Variants in IFT88 observed in about 807,000 individuals in gnomAD.
IFT88 encodes the protein intraflagellar transport protein 88 homolog.
IFT88 carries 74 observed loss-of-function variants against 119.5 expected under a neutral mutation model. That is an observed-to-expected ratio of 0.62 (90% CI 0.51 to 0.75). The LOEUF is 0.75. Ranked by LOEUF, IFT88 falls within the 30% of genes least tolerant of loss-of-function variation. IFT88 has a pLI of 0.00. For synonymous variants in IFT88, 279 were observed against 316.7 expected (o/e 0.88, Z 1.26); for missense variants, 961 against 977.7 (o/e 0.98, Z 0.23).
intron 24 of IFT88, 114 bp downstream of exon 24, chr13:20,671,153 A>G (rs1488322966): frequency 4.6e-6 from 3 of 651,234 alleles, no homozygotes; most frequent in East Asian, 3.0e-5. Context: ...GGTTTGTTCT[A>G]TACACAGTGA....
At chr13:20,651,118 A>G (rs866248812) in intron 20 of IFT88, among the ~76,000 whole-genome samples, 10 of 152,190 alleles carry the variant, frequency 6.6e-5, no homozygotes, top group Middle Eastern at 3.4e-3. Flanking sequence ...GAGTTCTTCA[A>G]CTTTTTTCTT....
intron 7 of IFT88, among the ~76,000 whole-genome samples, chr13:20,592,822 T>A (rs1170455365): frequency 6.6e-6 from 1 of 152,124 alleles, no homozygotes; most frequent in Admixed American, 6.6e-5. Flanking sequence ...TTATGTGAAT[T>A]CCATAAGAAT....
chr13:20,608,274 T>C, intron 13 of IFT88: 1 of 189,808 alleles, frequency 5.3e-6, no homozygotes, highest in Non-Finnish European at 1.1e-5. Context: ...GTGTAACTCT[T>C]CATCAGAAGC....
intron 14 of IFT88, among the ~76,000 whole-genome samples, chr13:20,620,998 A>T (rs1293100339): frequency 6.6e-6 from 1 of 152,182 alleles, no homozygotes; most frequent in Non-Finnish European, 1.5e-5. Flanking sequence ...TGGACTTCTC[A>T]GTCTTCGTAA....
intron 22 of IFT88, among the ~76,000 whole-genome samples, chr13:20,661,972 A>G (rs1349682424): frequency 6.6e-6 from 1 of 152,120 alleles, no homozygotes; most frequent in East Asian, 1.9e-4. Flanking sequence ...TCTGGATGTG[A>G]TACAGCTAGA....
intron 14 of IFT88, among the ~76,000 whole-genome samples, chr13:20,623,963 A>G (rs1466946270): frequency 6.6e-6 from 1 of 152,148 alleles, no homozygotes. Flanking sequence ...AATGGAAGTG[A>G]ATTTTGTGTG....
chr13:20,600,396 G>C (rs2042396962), intron 11 of IFT88, among the ~76,000 whole-genome samples: 1 of 151,956 alleles, frequency 6.6e-6, no homozygotes, highest in Non-Finnish European at 1.5e-5. Flanking sequence ...ATCAAGAAAG[G>C]CTTTATGAAG....
chr13:20,690,070 A>G (rs1310129634), intron 24 of IFT88, among the ~76,000 whole-genome samples: 2 of 152,214 alleles, frequency 1.3e-5, no homozygotes, highest in Admixed American at 6.5e-5. Context: ...TTTAAAGACC[A>G]TCTTGTTCTG....
intron 23 of IFT88, among the ~76,000 whole-genome samples, chr13:20,663,977 T>C (rs2054233794): frequency 6.6e-6 from 1 of 152,250 alleles, no homozygotes; most frequent in Non-Finnish European, 1.5e-5. Flanking sequence ...GAGTGTGTGC[T>C]TTAACAAGTT....
chr13:20,612,680 A>G (rs1474012605), intron 13 of IFT88, among the ~76,000 whole-genome samples: 1 of 152,190 alleles, frequency 6.6e-6, no homozygotes, highest in Non-Finnish European at 1.5e-5. Context: ...AATGGCCCAA[A>G]CAGTGTTGAA....
chr13:20,596,330 T>C (rs1444920719), intron 8 of IFT88, 90 bp downstream of exon 8: 5 of 438,746 alleles, frequency 1.1e-5, no homozygotes, highest in Admixed American at 7.5e-5. Flanking sequence ...ACAAATATTT[T>C]TGTTTGCCGT....
chr13:20,676,308 A>G (rs2056648436), intron 24 of IFT88, among the ~76,000 whole-genome samples: 1 of 152,176 alleles, frequency 6.6e-6, no homozygotes, highest in African/African-American at 2.4e-5. Flanking sequence ...TCATCAGTAA[A>G]ATGAGACTGA....
chr13:20,622,091 T>G (rs1342084825), intron 14 of IFT88, among the ~76,000 whole-genome samples: 4 of 152,214 alleles, frequency 2.6e-5, no homozygotes, highest in African/African-American at 7.2e-5. Flanking sequence ...TTTTGAGGTT[T>G]CTTGGATTTT....
chr13:20,593,787 T>C (rs2041154509), intron 7 of IFT88, among the ~76,000 whole-genome samples: 2 of 152,126 alleles, frequency 1.3e-5, no homozygotes, highest in South Asian at 4.1e-4. Context: ...TGGTGGCTCA[T>C]GCCTATAATC....
chr13:20,592,537 T>C, intron 7 of IFT88, 133 bp downstream of exon 7: 1 of 598,526 alleles, frequency 1.7e-6, no homozygotes, highest in Middle Eastern at 3.7e-4. Context: ...TGATGCGATC[T>C]TGGCTCACTG....
intron 13 of IFT88, chr13:20,608,092 G>C (rs1374794936): frequency 8.1e-6 from 4 of 492,486 alleles, no homozygotes; most frequent in Non-Finnish European, 1.6e-5. Context: ...TATCTTAACA[G>C]ACCACTTCCA....
At chr13:20,671,734 A>C (rs1340412754) in intron 24 of IFT88, among the ~76,000 whole-genome samples, 1 of 152,204 alleles carries the variant, frequency 6.6e-6, no homozygotes, top group Non-Finnish European at 1.5e-5. Context: ...GATTTTAAAG[A>C]AGCTAATTTT....
rs1224679318 is a variant in IFT88, at chr13:20,671,042, A to T, written c.2242+3A>T. The stretch of plus-strand genomic sequence containing the variant: ...AAGAGAAGGAAGTGCTAGCGGTGGT[A>T]AGTATTTTCTCTTTCCCTGAAAAAC... On this transcript the variant is annotated splice_donor_region_variant and intron_variant, in intron 24 of 25. Coordinates refer to ENST00000351808, the MANE Select transcript of IFT88 (RefSeq NM_006531.5). 1.2e-6 allele frequency: 2 copies of T among 1,613,060 alleles called. No homozygotes were observed. The highest frequency in any genetic ancestry group is 3.3e-5 in the Admixed American group (2 of 59,934).
At position 20,574,396 on chromosome 13, in the gene IFT88, A is replaced by C; in HGVS notation, c.11A>C (p.Asn4Thr). 6.2e-7 allele frequency: 1 copy of C among 1,609,874 alleles called. No homozygotes were observed. Among genetic ancestry groups the C allele is most frequent in the Non-Finnish European group, 8.5e-7 (1 of 1,177,162 alleles). MMQNVHLAPETDED... is the reference protein window; with the variant it reads MMQTVHLAPETDED... ...TTTTCCTAGGTACAAATGATGCAAAATGTGCACCTGGCTCCAGAGACAGAT... is the reference window on the plus strand; with the variant it reads ...TTTTCCTAGGTACAAATGATGCAAACTGTGCACCTGGCTCCAGAGACAGAT... The change falls in exon 2 of 26, where the codon AAT (asparagine) becomes ACT (threonine). Residue 4 changes from asparagine to threonine, a missense_variant. Coordinates refer to ENST00000351808, the MANE Select transcript of IFT88 (RefSeq NM_006531.5).
Sources: gnomAD v4.1 joint callset for allele counts (sites outside exome capture counted in the v4.1 genomes callset) on GRCh38, gnomAD v4.1.1 for gene constraint, MANE v1.5 for transcripts, NCBI Gene and HGNC (gene_info 2026-07-23, HGNC 2026-07-21) for gene names.